SPATA13: variants seen among roughly 807,000 people sequenced by gnomAD.
SPATA13 encodes the protein spermatogenesis-associated protein 13.
A neutral mutation model predicts 104.0 loss-of-function variants in SPATA13; 50 were observed. The ratio of observed to expected loss-of-function variants is 0.48; its 90% CI spans 0.38 to 0.61. SPATA13 has a LOEUF of 0.61. Among genes scored for constraint, SPATA13 ranks in the 20% least tolerant of loss-of-function variants. The probability of loss-of-function intolerance (pLI) is 0.00; values close to 1 mark genes in which losing one functional copy is unlikely to be tolerated. For missense variants in SPATA13, 1,524 were observed against 1,690.6 expected (o/e 0.90, Z 1.73); for synonymous variants, 606 against 667.5 (o/e 0.91, Z 1.42).
intron 3 of SPATA13, among the ~76,000 whole-genome samples, chr13:24,090,779 T>G (rs1879883962): frequency 6.6e-6 from 1 of 152,268 alleles, no homozygotes. Flanking sequence ...ATCCAACATC[T>G]GGGCCCCTTG....
intron 3 of SPATA13, among the ~76,000 whole-genome samples, chr13:24,063,334 C>T (rs1395526785): frequency 6.6e-6 from 1 of 152,182 alleles, no homozygotes; most frequent in African/African-American, 2.4e-5. Flanking sequence ...TTATCATGTA[C>T]AGCAGGTTTT....
chr13:24,300,986 G>A (rs1252087541), intron 12 of SPATA13, among the ~76,000 whole-genome samples: 5 of 152,086 alleles, frequency 3.3e-5, no homozygotes, highest in East Asian at 1.9e-4. Flanking sequence ...GATTTAGGGC[G>A]GTGATTCCCT....
chr13:24,073,297 C>T (rs1296313124), intron 3 of SPATA13, among the ~76,000 whole-genome samples: 1 of 152,218 alleles, frequency 6.6e-6, no homozygotes, highest in Non-Finnish European at 1.5e-5. Context: ...ACTGAGAAAA[C>T]TCACCATGCC....
intron 3 of SPATA13, among the ~76,000 whole-genome samples, chr13:24,139,606 T>A (rs1442112996): frequency 6.6e-6 from 1 of 152,184 alleles, no homozygotes; most frequent in Non-Finnish European, 1.5e-5. Flanking sequence ...ACATTGGTTG[T>A]TAAGATTTCA....
At chr13:24,230,851 TTACTC>T (rs894898019) in intron 2 of SPATA13, among the ~76,000 whole-genome samples, 7 of 152,100 alleles carry the variant, frequency 4.6e-5, no homozygotes, top group Admixed American at 3.3e-4. Flanking sequence ...AATTTGGACT[TTACTC>T]TGTAAGTGGT....
intron 3 of SPATA13, among the ~76,000 whole-genome samples, chr13:24,041,042 C>T (rs1877906990): frequency 6.6e-6 from 1 of 152,190 alleles, no homozygotes; most frequent in Non-Finnish European, 1.5e-5. Context: ...GGCAGTTTTA[C>T]TGTGAAACAA....
chr13:24,151,114 A>G (rs1387982283), intron 3 of SPATA13, among the ~76,000 whole-genome samples: 2 of 152,228 alleles, frequency 1.3e-5, no homozygotes, highest in African/African-American at 4.8e-5. Context: ...ACACAGATTA[A>G]GAGGCTTGCC....
intron 2 of SPATA13, among the ~76,000 whole-genome samples, chr13:24,009,875 A>G (rs1330679800): frequency 6.6e-6 from 1 of 152,206 alleles, no homozygotes; most frequent in African/African-American, 2.4e-5. Context: ...CCTGGCCTAA[A>G]TAACTTTTTC....
intron 3 of SPATA13, among the ~76,000 whole-genome samples, chr13:24,110,341 CTA>C (rs1053984603): frequency 1.2e-4 from 18 of 151,962 alleles, no homozygotes; most frequent in African/African-American, 4.4e-4. Flanking sequence ...GCAATGAATT[CTA>C]CAGGGAATAA....
chr13:24,245,323 G>A (rs1167852377), intron 2 of SPATA13, among the ~76,000 whole-genome samples: 1 of 151,306 alleles, frequency 6.6e-6, no homozygotes, highest in Non-Finnish European at 1.5e-5. Flanking sequence ...ATCCATCAAA[G>A]TTCAAATTTG....
At position 24,245,593 on chromosome 13, in the gene SPATA13, T is replaced by C. The variant is rs1322270251; in HGVS notation, c.1654-3884T>C. On this transcript the variant is annotated intron_variant, in intron 2 of 12. Transcript: ENST00000382108. ...AGAATTACAGTTGTTTCTTTTTTTTTTTTTTTTTTTTTTTTAGACAACAGG... is the reference window on the plus strand; with the variant it reads ...AGAATTACAGTTGTTTCTTTTTTTTCTTTTTTTTTTTTTTTAGACAACAGG... 7.3e-4 allele frequency among the ~76,000 whole-genome samples: 106 copies of C among 145,736 alleles called. 1 individual carries two copies. The highest frequency in any genetic ancestry group is 1.7e-4 in the Non-Finnish European group (11 of 66,262).
At chr13:24,062,739 T>C (rs1003652069) in intron 3 of SPATA13, among the ~76,000 whole-genome samples, 2 of 152,258 alleles carry the variant, frequency 1.3e-5, no homozygotes, top group East Asian at 3.9e-4. Context: ...TGTGTGTGTA[T>C]GTGCACCGTG....
At chr13:24,026,391 G>T (rs535025270) in intron 3 of SPATA13, among the ~76,000 whole-genome samples, 50 of 152,170 alleles carry the variant, frequency 3.3e-4, no homozygotes, top group African/African-American at 1.1e-3. Flanking sequence ...GTGAAGCAAA[G>T]TAGAGATCCT....
intron 2 of SPATA13, among the ~76,000 whole-genome samples, chr13:24,012,418 C>G (rs888663832): frequency 2.6e-5 from 4 of 152,218 alleles, no homozygotes; most frequent in Non-Finnish European, 4.4e-5. Flanking sequence ...AAGTACACAC[C>G]ACCCAGGTAC....
intron 2 of SPATA13, among the ~76,000 whole-genome samples, chr13:24,014,660 C>G (rs1162317304): frequency 6.6e-6 from 1 of 152,128 alleles, no homozygotes; most frequent in African/African-American, 2.4e-5. Flanking sequence ...TAGTGTATGT[C>G]TTCTCCTAAA....
In SPATA13 at chr13:24,223,626, G is replaced by T. The variant is rs1199841722; in HGVS notation, c.697G>T (p.Ala233Ser). Residue 233 changes from alanine to serine, a missense_variant, in exon 2 of 13, where the codon GCC becomes TCC. By Grantham distance (99) the Ala-to-Ser change is moderately conservative. This residue lies in a region of SPATA13 where 1,089 missense variants were observed against 1,135.9 expected (regional missense o/e 0.96). Transcript: ENST00000382108. ...CACGATAGCCACTGGCCAGGTGCCC[G>T]CCGTGTGTGAGATTCTCGTGAGGGA... is the stretch of plus-strand genomic sequence containing the variant. ...TPTIATGQVP[A>S]VCEILVRDPE... 3.2e-6 allele frequency: 5 copies of T among 1,551,660 alleles called. No homozygotes were observed. Among genetic ancestry groups the T allele is most frequent in the African/African-American group, 1.4e-5 (1 of 73,066 alleles).
chr13:24,074,347 T>A (rs1384387921), intron 3 of SPATA13, among the ~76,000 whole-genome samples: 2 of 152,258 alleles, frequency 1.3e-5, no homozygotes, highest in South Asian at 2.1e-4. Flanking sequence ...CTTCCTTTTT[T>A]AAGGCTGAAT....
intron 7 of SPATA13, among the ~76,000 whole-genome samples, chr13:24,287,365 G>A (rs371972375): frequency 7.2e-5 from 11 of 152,122 alleles, no homozygotes; most frequent in East Asian, 1.9e-4. Context: ...GTCTCACTGC[G>A]TTGCCGAGGC....
chr13:24,091,798 C>CA (rs1475201552), intron 3 of SPATA13, among the ~76,000 whole-genome samples: 3 of 151,866 alleles, frequency 2.0e-5, no homozygotes, highest in African/African-American at 7.3e-5. Flanking sequence ...GACTCCATCT[C>CA]AAAAAAAGAA....
Sources: allele counts gnomAD v4.1 joint callset (sites outside exome capture counted in the v4.1 genomes callset), GRCh38; gene constraint gnomAD v4.1.1; regional missense constraint gnomAD v4.1.1; transcripts MANE v1.5; gene names NCBI Gene and HGNC (gene_info 2026-07-23, HGNC 2026-07-21).